Variants in GRIN2B observed in about 807,000 individuals in gnomAD.
GRIN2B encodes glutamate receptor ionotropic, NMDA 2B.
A neutral mutation model predicts 114.5 loss-of-function variants in GRIN2B; 5 were observed. The observed-to-expected ratio is 0.04, with a 90% confidence interval of 0.02 to 0.09. The LOEUF (loss-of-function observed/expected upper bound fraction) is 0.09. Ranked by LOEUF, GRIN2B falls within the 10% of genes least tolerant of loss-of-function variation. GRIN2B has a pLI of 1.00. For missense variants in GRIN2B, 1,108 were observed against 1,943.5 expected, an observed-to-expected ratio of 0.57 and a Z score of 8.08; for synonymous variants, 787 against 745.1, an observed-to-expected ratio of 1.06 and a Z score of -0.92.
chr12:13,561,247 A>G lies in GRIN2B; in HGVS notation c.*1536T>C, dbSNP rs1805502. ...ATCTGAGAGGGAAACAAGGTGTTGCAGGAAGGTAGAAGGGCTTCTACCAAG... is the reference window on the plus strand; with the variant it reads ...ATCTGAGAGGGAAACAAGGTGTTGCGGGAAGGTAGAAGGGCTTCTACCAAG... On this transcript the variant is annotated 3_prime_UTR_variant, in exon 14 of 14. Transcript: ENST00000609686. The G allele has an allele frequency of 0.25, 37,967 of 151,492 alleles. 5,724 individuals are homozygous for G. The highest frequency in any genetic ancestry group is 0.43 in the African/African-American group (17,497 of 40,970). 9.4% of individuals were successfully genotyped at this position (151,492 alleles called of 1,614,324 possible). A position where few individuals can be genotyped will look rare whatever the true frequency, so the allele number is the denominator to read the frequency against.
At chr12:13,848,305 G>T (rs1024253482) in intron 3 of GRIN2B, among the ~76,000 whole-genome samples, 2 of 152,150 alleles carry the variant, frequency 1.3e-5, no homozygotes, top group African/African-American at 2.4e-5. Flanking sequence ...TTTGGACCCT[G>T]GCAAGGACTT....
intron 2 of GRIN2B, among the ~76,000 whole-genome samples, chr12:13,915,551 C>G (rs1866702199): frequency 6.6e-6 from 1 of 152,208 alleles, no homozygotes; most frequent in African/African-American, 2.4e-5. Context: ...ACAGGACTGT[C>G]TGCAGTGATG....
chr12:13,624,878 C>T (rs560018109), intron 5 of GRIN2B, among the ~76,000 whole-genome samples: 8 of 152,310 alleles, frequency 5.3e-5, no homozygotes, highest in Admixed American at 6.5e-5. Context: ...GACTCTTCTT[C>T]GCTGCTTATC....
At chr12:13,817,087 AT>A (rs1024037778) in intron 3 of GRIN2B, among the ~76,000 whole-genome samples, 1,697 of 148,046 alleles carry the variant, frequency 0.011, 29 homozygotes, top group African/African-American at 0.036. Context: ...TTGGTGCAGG[AT>A]TTTTTTTTTT....
intron 4 of GRIN2B, among the ~76,000 whole-genome samples, chr12:13,728,014 CAT>C (rs1384277289): frequency 1.3e-5 from 2 of 152,304 alleles, no homozygotes; most frequent in African/African-American, 2.4e-5. Flanking sequence ...AAACTGATCA[CAT>C]GTGGTATTTT....
intron 3 of GRIN2B, among the ~76,000 whole-genome samples, chr12:13,843,123 A>C (rs1369815845): frequency 1.3e-5 from 2 of 149,426 alleles, no homozygotes; most frequent in Non-Finnish European, 3.0e-5. Context: ...AAAAAAAAAA[A>C]AAAACACTGC....
At chr12:13,653,577 G>A (rs1949838219) in intron 5 of GRIN2B, among the ~76,000 whole-genome samples, 1 of 151,608 alleles carries the variant, frequency 6.6e-6, no homozygotes, top group Non-Finnish European at 1.5e-5. Flanking sequence ...AGAAAGGAGA[G>A]ACTTAAACAG....
chr12:13,573,072 T>C (rs1412170309), intron 10 of GRIN2B, among the ~76,000 whole-genome samples: 1 of 131,698 alleles, frequency 7.6e-6, no homozygotes, highest in Non-Finnish European at 1.7e-5. Flanking sequence ...ATAAACGCTC[T>C]GTGCATCCTG....
intron 10 of GRIN2B, among the ~76,000 whole-genome samples, chr12:13,573,577 C>G (rs1305041692): frequency 6.6e-6 from 1 of 151,850 alleles, no homozygotes; most frequent in African/African-American, 2.4e-5. Context: ...GCTTCTTATT[C>G]TATTAGTACA....
At position 13,837,523 on chromosome 12, in the gene GRIN2B, A is replaced by G. The variant is rs142472506; in HGVS notation, c.411+28275T>C. Among the ~76,000 whole-genome samples the G allele has an allele frequency of 4.8e-3, 735 of 152,318 alleles. 9 individuals are homozygous for G. The highest frequency in any genetic ancestry group is 0.021 in the Middle Eastern group (6 of 292). Reference sequence around the variant, plus strand: ...CATTGGACAGAGTGTTTAGTGAGGTAAGGCATTTCCTTCTATGTTAACCAT... The same window carrying G: ...CATTGGACAGAGTGTTTAGTGAGGTGAGGCATTTCCTTCTATGTTAACCAT... On this transcript the variant is annotated intron_variant, in intron 3 of 13. Transcript: ENST00000609686.
chr12:13,721,506 G>A (rs563988427), intron 4 of GRIN2B, among the ~76,000 whole-genome samples: 2 of 152,088 alleles, frequency 1.3e-5, no homozygotes, highest in East Asian at 1.9e-4. Flanking sequence ...GTTGGATATC[G>A]GTGTAAGAAA....
chr12:13,594,150 T>G (rs1949043005), intron 10 of GRIN2B, among the ~76,000 whole-genome samples: 6 of 152,138 alleles, frequency 3.9e-5, no homozygotes, highest in Admixed American at 3.9e-4. Context: ...GAAATACCAT[T>G]TGACCCAGCA....
At chr12:13,770,615 G>A (rs1162023365) in intron 3 of GRIN2B, among the ~76,000 whole-genome samples, 1 of 152,138 alleles carries the variant, frequency 6.6e-6, no homozygotes, top group Non-Finnish European at 1.5e-5. Flanking sequence ...CTCAACACAA[G>A]CCACAAAGAG....
chr12:13,926,610 G>C (rs1866915789), intron 2 of GRIN2B, among the ~76,000 whole-genome samples: 1 of 152,164 alleles, frequency 6.6e-6, no homozygotes, highest in African/African-American at 2.4e-5. Context: ...CTACAAATGA[G>C]CAAAGTCAAG....
At position 13,694,656 on chromosome 12, in the gene GRIN2B, C is replaced by CACATATATATATATAT. The variant is rs1555122534; in HGVS notation, c.1011-18798_1011-18797insATATATATATATATGT. ...CCCAGTCTATTGTGCAAGAAAATGT[C>CACATATATATATATAT]ATATATATATATATATATATATATA... is the stretch of plus-strand genomic sequence containing the variant. On this transcript the variant is annotated intron_variant, in intron 4 of 13. Coordinates refer to ENST00000609686, the MANE Select transcript of GRIN2B (RefSeq NM_000834.5). Among the ~76,000 whole-genome samples the CACATATATATATATAT allele has an allele frequency of 5.2e-4, 37 of 71,340 alleles. 7 individuals are homozygous for CACATATATATATATAT. Among genetic ancestry groups the CACATATATATATATAT allele is most frequent in the East Asian group, 1.3e-3 (3 of 2,280 alleles). The allele number at this position is 71,340 out of a possible 152,430, so 46.8% of individuals were successfully genotyped here.
chr12:13,685,976 C>T (rs947107489), intron 4 of GRIN2B, among the ~76,000 whole-genome samples: 2 of 151,978 alleles, frequency 1.3e-5, no homozygotes, highest in African/African-American at 4.8e-5. Flanking sequence ...TACTAGATGG[C>T]AGTGAAAGGG....
intron 2 of GRIN2B, among the ~76,000 whole-genome samples, chr12:13,880,657 C>A (rs546236370): frequency 6.6e-6 from 1 of 152,296 alleles, no homozygotes; most frequent in South Asian, 2.1e-4. Flanking sequence ...GATTAAGAAA[C>A]TGAAGTGCTT....
intron 12 of GRIN2B, among the ~76,000 whole-genome samples, chr12:13,568,431 CCATTATTGCCTTTGAGTGACAGCT>C (rs1469696376): frequency 3.3e-5 from 5 of 152,208 alleles, no homozygotes; most frequent in Non-Finnish European, 7.3e-5. Flanking sequence ...GATACAGTCT[CCATTATTGCCTTTGAGTGACAGCT>C]ACACTAAAAT....
At chr12:13,925,017 C>T (rs990974060) in intron 2 of GRIN2B, among the ~76,000 whole-genome samples, 4 of 152,118 alleles carry the variant, frequency 2.6e-5, no homozygotes, top group African/African-American at 9.7e-5. Flanking sequence ...TCCTCCAAAA[C>T]CTCAAAGGAC....
Sources: allele counts gnomAD v4.1 joint callset (sites outside exome capture counted in the v4.1 genomes callset), GRCh38; gene constraint gnomAD v4.1.1; transcripts MANE v1.5; gene names NCBI Gene and HGNC (gene_info 2026-07-23, HGNC 2026-07-21).